DRC5: variants seen among roughly 807,000 people sequenced by gnomAD.
The protein encoded by DRC5 is dynein regulatory complex subunit 5, also known as T-complex-associated testis-expressed protein 1.
the DRC5 span, among the ~76,000 whole-genome samples, chr6:44,292,295 C>G: frequency 1.7e-4 from 26 of 152,218 alleles, no homozygotes; most frequent in African/African-American, 6.3e-4. Context: ...CCCACCACCT[C>G]AGCCAGGGAA....
the DRC5 span, among the ~76,000 whole-genome samples, chr6:44,283,606 G>A: frequency 6.6e-6 from 1 of 151,912 alleles, no homozygotes; most frequent in Non-Finnish European, 1.5e-5. Flanking sequence ...TCTTTTCATT[G>A]CGTCTCTCTG....
At chr6:44,281,573 T>C in the DRC5 span, among the ~76,000 whole-genome samples, 3 of 152,180 alleles carry the variant, frequency 2.0e-5, no homozygotes, top group African/African-American at 4.8e-5. Context: ...TTAGTAGATA[T>C]GGGGTTTCAC....
chr6:44,280,465 G>A, the DRC5 span: 1 of 1,124,884 alleles, frequency 8.9e-7, no homozygotes, highest in African/African-American at 1.6e-5. Context: ...CACATTTTCA[G>A]GTAGATGTGA....
chr6:44,295,246 G>A, the DRC5 span, among the ~76,000 whole-genome samples: 1 of 152,174 alleles, frequency 6.6e-6, no homozygotes, highest in Non-Finnish European at 1.5e-5. Flanking sequence ...TACGTCTTGT[G>A]CCACCACCTG....
chr6:44,280,263 T>C, the DRC5 span: 3 of 1,614,184 alleles, frequency 1.9e-6, no homozygotes, highest in Non-Finnish European at 2.5e-6. Flanking sequence ...GCGGGCTGCT[T>C]CTCGGTTTGC....
chr6:44,282,600 G>A, the DRC5 span: 6 of 1,524,122 alleles, frequency 3.9e-6, no homozygotes, highest in South Asian at 6.2e-5. Context: ...GCCAGCCAGG[G>A]ATAATCAGCC....
At chr6:44,291,353 G>A in the DRC5 span, among the ~76,000 whole-genome samples, 1 of 152,144 alleles carries the variant, frequency 6.6e-6, no homozygotes, top group African/African-American at 2.4e-5. Flanking sequence ...TTAGTTCTAA[G>A]TGTTTAAAAA....
chr6:44,287,743 C>G, the DRC5 span: 26 of 1,614,142 alleles, frequency 1.6e-5, no homozygotes, highest in Non-Finnish European at 2.1e-5. Context: ...TGAAGTGTGT[C>G]CTCCAGTGGA....
At chr6:44,295,908 T>C in the DRC5 span, among the ~76,000 whole-genome samples, 9 of 152,204 alleles carry the variant, frequency 5.9e-5, no homozygotes. Context: ...GGAGCTAATG[T>C]GTGTGAGACA....
chr6:44,286,423 G>C, the DRC5 span: 1 of 1,614,214 alleles, frequency 6.2e-7, no homozygotes, highest in Non-Finnish European at 8.5e-7. Flanking sequence ...GGAGCCAGTA[G>C]TTCTCACTGT....
the DRC5 span, among the ~76,000 whole-genome samples, chr6:44,291,826 T>C: frequency 9.9e-5 from 15 of 152,192 alleles, no homozygotes; most frequent in African/African-American, 2.4e-5. Flanking sequence ...TCCACTGGGA[T>C]GCTGCCTAGG....
chr6:44,286,642 C>T, the DRC5 span: 1 of 940,912 alleles, frequency 1.1e-6, no homozygotes, highest in South Asian at 1.6e-5. Flanking sequence ...GAGACCCTTC[C>T]CTGCTTAGGG....
the DRC5 span, among the ~76,000 whole-genome samples, chr6:44,297,163 G>C: frequency 6.6e-6 from 1 of 152,152 alleles, no homozygotes; most frequent in Non-Finnish European, 1.5e-5. Flanking sequence ...GGGGTGTAGA[G>C]GCGCTGGCTT....
the DRC5 span, chr6:44,287,444 G>A: frequency 1.6e-6 from 2 of 1,214,800 alleles, no homozygotes; most frequent in South Asian, 1.5e-5. Flanking sequence ...GAGAGCAGGG[G>A]CTGCCCCAGG....
the DRC5 span, among the ~76,000 whole-genome samples, chr6:44,284,954 G>A: frequency 1.3e-5 from 2 of 152,150 alleles, no homozygotes; most frequent in African/African-American, 2.4e-5. Flanking sequence ...AAAACCCTTG[G>A]ATGGTGTCCC....
the DRC5 span, among the ~76,000 whole-genome samples, chr6:44,281,879 CTTAG>C: frequency 6.6e-6 from 1 of 152,142 alleles, no homozygotes; most frequent in Non-Finnish European, 1.5e-5. Context: ...GTTAAATATA[CTTAG>C]TTATATACTT....
At chr6:44,283,930 AC>A in the DRC5 span, among the ~76,000 whole-genome samples, 1 of 152,116 alleles carries the variant, frequency 6.6e-6, no homozygotes, top group African/African-American at 2.4e-5. Context: ...TTTTCCTGAT[AC>A]CAAGCACTGA....
At chr6:44,282,833 C>T in the DRC5 span, among the ~76,000 whole-genome samples, 229 of 123,668 alleles carry the variant, frequency 1.9e-3, 1 homozygote, top group African/African-American at 6.2e-3. Context: ...GACGGAGTCT[C>T]GCTCTGTCAC....
chr6:44,291,355 G>A, the DRC5 span, among the ~76,000 whole-genome samples: 1 of 152,124 alleles, frequency 6.6e-6, no homozygotes, highest in Non-Finnish European at 1.5e-5. Flanking sequence ...AGTTCTAAGT[G>A]TTTAAAAAAA....
Sources: allele counts gnomAD v4.1 joint callset (sites outside exome capture counted in the v4.1 genomes callset), GRCh38; gene constraint gnomAD v4.1.1; transcripts MANE v1.5; gene names NCBI Gene and HGNC (gene_info 2026-07-23, HGNC 2026-07-21).